Variants in IL19 observed in about 807,000 individuals in gnomAD.
IL19 encodes the protein interleukin 19.
IL19 carries 15 observed loss-of-function variants against 19.5 expected under a neutral mutation model. That is an observed-to-expected ratio of 0.77 (90% CI 0.52 to 1.19). The LOEUF (loss-of-function observed/expected upper bound fraction) is 1.19. IL19 is among the 50% of genes most tolerant of loss of function. IL19 has a pLI of 0.00. For missense variants in IL19, 199 were observed against 213.1 expected, an observed-to-expected ratio of 0.93 and a Z score of 0.41; for synonymous variants, 78 against 78.3, an observed-to-expected ratio of 1.00 and a Z score of 0.02.
chr1:206,802,605 G>T (rs1675739979), intron 2 of IL19, among the ~76,000 whole-genome samples: 2 of 152,118 alleles, frequency 1.3e-5, no homozygotes, highest in Non-Finnish European at 2.9e-5. Context: ...AGCTTCATGG[G>T]TAAATCGTGA....
intron 1 of IL19, among the ~76,000 whole-genome samples, chr1:206,781,767 CGAACT>C (rs1675137763): frequency 1.3e-5 from 2 of 150,790 alleles, no homozygotes; most frequent in Non-Finnish European, 2.9e-5. Context: ...CAGCTGTTGG[CGAACT>C]ATGTGGATCC....
intron 2 of IL19, among the ~76,000 whole-genome samples, chr1:206,834,551 T>C (rs1185235363): frequency 6.6e-6 from 1 of 152,172 alleles, no homozygotes; most frequent in Non-Finnish European, 1.5e-5. Context: ...AGGGGTACTC[T>C]ATAGAAAAGG....
intron 1 of IL19, among the ~76,000 whole-genome samples, chr1:206,785,893 G>T (rs1675259373): frequency 6.6e-6 from 1 of 152,088 alleles, no homozygotes; most frequent in Non-Finnish European, 1.5e-5. Context: ...CCAAAAAAGT[G>T]ACTTACAGAC....
intron 2 of IL19, chr1:206,833,781 A>C: frequency 1.0e-6 from 1 of 985,576 alleles, no homozygotes; most frequent in Non-Finnish European, 1.2e-6. Context: ...ATGAAGGGGA[A>C]ATAGATGATG....
rs566504775 is a variant in IL19 at position 206,775,011 on chromosome 1, A to G, written c.-149+3933A>G. 2.6e-5 allele frequency among the ~76,000 whole-genome samples: 4 copies of G among 151,628 alleles called. No homozygotes were observed. The East Asian group carries it at 7.7e-4, about 29-fold the overall frequency. On this transcript the variant is annotated intron_variant, in intron 1 of 6. Transcript: ENST00000659997. ...CATTTGTACCTTTCTTTCATCTATA[A>G]TCTGTTAAATAGGGTTGAGGTTAGG...
At chr1:206,823,849 G>T (rs1676358205) in intron 2 of IL19, among the ~76,000 whole-genome samples, 1 of 152,186 alleles carries the variant, frequency 6.6e-6, no homozygotes, top group South Asian at 2.1e-4. Flanking sequence ...GCCTTCCAAG[G>T]CCTGTTGGAG....
chr1:206,793,965 C>T (rs557374039), intron 1 of IL19, among the ~76,000 whole-genome samples: 10 of 152,234 alleles, frequency 6.6e-5, no homozygotes, highest in Non-Finnish European at 8.8e-5. Flanking sequence ...GCTAGCGTTA[C>T]AGCACCTGAG....
chr1:206,815,217 C>A (rs142346785), intron 2 of IL19, among the ~76,000 whole-genome samples: 1 of 152,080 alleles, frequency 6.6e-6, no homozygotes, highest in East Asian at 1.9e-4. Flanking sequence ...GAACAAACAG[C>A]CTGAGAGAGA....
intron 4 of IL19, 60 bp downstream of exon 4, chr1:206,837,083 C>T: frequency 1.5e-6 from 2 of 1,351,974 alleles, no homozygotes; most frequent in Non-Finnish European, 2.1e-6. Context: ...TGGCTCTGGG[C>T]TGAGAAAGAA....
chr1:206,776,364 G>T (rs1005108779), intron 1 of IL19, among the ~76,000 whole-genome samples: 1 of 152,084 alleles, frequency 6.6e-6, no homozygotes, highest in Non-Finnish European at 1.5e-5. Context: ...TTTTTAGGAA[G>T]CTCCGCCCAG....
intron 2 of IL19, among the ~76,000 whole-genome samples, chr1:206,808,417 C>G (rs1335179594): frequency 6.6e-6 from 1 of 151,970 alleles, no homozygotes; most frequent in East Asian, 1.9e-4. Flanking sequence ...TAGAATTAAC[C>G]GTGCATGTAG....
At chr1:206,801,852 CTGTT>C (rs1675715907) in intron 2 of IL19, among the ~76,000 whole-genome samples, 1 of 152,232 alleles carries the variant, frequency 6.6e-6, no homozygotes, top group African/African-American at 2.4e-5. Flanking sequence ...AATACATACT[CTGTT>C]TGTCAATGAA....
chr1:206,783,318 G>A (rs1021434605), intron 1 of IL19, among the ~76,000 whole-genome samples: 1 of 152,132 alleles, frequency 6.6e-6, no homozygotes, highest in African/African-American at 2.4e-5. Flanking sequence ...GCCCAACAAG[G>A]TTCTGATACT....
intron 1 of IL19, among the ~76,000 whole-genome samples, chr1:206,781,924 T>C (rs1264529607): frequency 2.7e-5 from 3 of 109,706 alleles, no homozygotes; most frequent in African/African-American, 7.3e-5. Context: ...TATATAGTTA[T>C]ATATACATAT....
intron 1 of IL19, among the ~76,000 whole-genome samples, chr1:206,773,121 C>T (rs1674901585): frequency 2.0e-5 from 3 of 152,188 alleles, no homozygotes; most frequent in African/African-American, 7.2e-5. Flanking sequence ...TTAGGATTCT[C>T]AGGCACATGT....
intron 2 of IL19, among the ~76,000 whole-genome samples, chr1:206,823,754 G>T (rs979213754): frequency 6.6e-6 from 1 of 152,112 alleles, no homozygotes; most frequent in Non-Finnish European, 1.5e-5. Flanking sequence ...ACTCTCCGTT[G>T]TCTGGAGGTG....
At chr1:206,772,206 C>G in intron 1 of IL19, 8 of 1,443,412 alleles carry the variant, frequency 5.5e-6, no homozygotes, top group Non-Finnish European at 7.8e-6. Context: ...TCTTATAGTT[C>G]CAGGAGAATG....
chr1:206,834,508 T>C (rs1676718377), intron 2 of IL19: 17 of 900,570 alleles, frequency 1.9e-5, no homozygotes, highest in South Asian at 1.0e-4. Context: ...ATGGCTATGA[T>C]GTTCCAGATG....
intron 2 of IL19, among the ~76,000 whole-genome samples, chr1:206,822,866 G>A (rs1228692368): frequency 6.6e-6 from 1 of 152,152 alleles, no homozygotes; most frequent in Non-Finnish European, 1.5e-5. Flanking sequence ...GGGCTCAGGT[G>A]GTTGCAGCCT....
Sources: allele counts gnomAD v4.1 joint callset (sites outside exome capture counted in the v4.1 genomes callset), GRCh38; gene constraint gnomAD v4.1.1; transcripts MANE v1.5; gene names NCBI Gene and HGNC (gene_info 2026-07-23, HGNC 2026-07-21).